Variants in ADAM8 observed in about 807,000 individuals in gnomAD.
ADAM8 encodes the protein ADAM metallopeptidase domain 8.
Under a neutral mutation model 102.4 loss-of-function variants are expected in ADAM8, and 104 were observed. That is an observed-to-expected ratio of 1.02 (90% confidence interval 0.87 to 1.20). ADAM8 has a LOEUF of 1.20. Among genes scored for constraint, ADAM8 ranks in the 50% most tolerant of loss-of-function variants. ADAM8 has a pLI of 0.00. For synonymous variants in ADAM8, 517 were observed against 485.2 expected, an observed-to-expected ratio of 1.07 and a Z score of -0.86; for missense variants, 1,132 against 1,159.0, an observed-to-expected ratio of 0.98 and a Z score of 0.34.
At chr10:133,267,088 C>T (rs1316704087) in intron 21 of ADAM8, among the ~76,000 whole-genome samples, 2 of 152,076 alleles carry the variant, frequency 1.3e-5, no homozygotes, top group African/African-American at 2.4e-5. Context: ...GCTTGGTGGG[C>T]GGAGCAGGTC....
chr10:133,270,423 G>A lies in ADAM8; in HGVS notation c.1722C>T (p.Leu574=), dbSNP rs746667111. Residue 574 remains leucine, a synonymous_variant, in exon 16 of 23, where the codon CTC becomes CTT. Coordinates refer to ENST00000445355, the MANE Select transcript of ADAM8 (RefSeq NM_001109.5). ...AICIVDVCHA[L]TTEDGTAYEP... is the part of the protein sequence containing the mutation. ...CATACGCAGTGCCATCCTCTGTGGT[G>A]AGCGCGTGGCACACATCCACGATGC... The A allele has an allele frequency of 3.7e-6, 6 of 1,605,920 alleles. No homozygotes were observed. The highest frequency in any genetic ancestry group is 2.7e-5 in the African/African-American group (2 of 74,844).
At chr10:133,270,551 G>T in intron 15 of ADAM8, 41 bp from the exon 16 acceptor site, 2 of 1,565,838 alleles carry the variant, frequency 1.3e-6, no homozygotes, top group Non-Finnish European at 1.7e-6. Flanking sequence ...TTGCCTGGGA[G>T]CATGCTGGGG....
chr10:133,270,685 C>T lies in ADAM8; in HGVS notation c.1634+51G>A, dbSNP rs1257918712. ...TTTGCAGAGGCCCTTCTGGGGCTGA[C>T]CCCGCTGTGGGAACAGCACATGTCC... On this transcript the variant is annotated intron_variant, in intron 15 of 22. Coordinates refer to ENST00000445355, the MANE Select transcript of ADAM8 (RefSeq NM_001109.5). 9 of 1,575,144 alleles carry T rather than the reference C, an allele frequency of 5.7e-6. No homozygotes were observed. The East Asian group carries it at 9.3e-5, about 16-fold the overall frequency.
intron 1 of ADAM8, 147 bp from the exon 2 acceptor site, chr10:133,275,734 G>C (rs1846728286): frequency 1.8e-6 from 1 of 544,492 alleles, no homozygotes; most frequent in Non-Finnish European, 3.1e-6. Flanking sequence ...AGACTCAAGT[G>C]AGGGTTCTGT....
rs139305530 is a variant in ADAM8 at position 133,273,985 on chromosome 10, T to C, written c.272A>G (p.Asn91Ser). The change falls in exon 4 of 23, where the codon AAT (asparagine) becomes AGT (serine). Residue 91 changes from asparagine to serine, a missense_variant. Physicochemically the swap from Asn to Ser is conservative, Grantham distance 46. Coordinates refer to ENST00000445355, the MANE Select transcript of ADAM8 (RefSeq NM_001109.5). ...SGYTETYTAANGSEVTEQPRG... is the reference protein window; with the variant it reads ...SGYTETYTAASGSEVTEQPRG... Reference sequence around the variant, plus strand: ...AGGCTGCTCCGTCACCTCGGAGCCATTGGCAGCCGTATAGGTCTCTGTGTA... The same window carrying C: ...AGGCTGCTCCGTCACCTCGGAGCCACTGGCAGCCGTATAGGTCTCTGTGTA... The C allele has an allele frequency of 2.4e-5, 38 of 1,606,712 alleles. No homozygotes were observed. Among genetic ancestry groups the C allele is most frequent in the Non-Finnish European group, 3.0e-5 (35 of 1,178,462 alleles).
intron 17 of ADAM8, 61 bp from the exon 18 acceptor site, chr10:133,269,590 C>T (rs961562487): frequency 1.6e-5 from 24 of 1,463,484 alleles, no homozygotes; most frequent in Middle Eastern, 3.8e-4. Flanking sequence ...CCGTGGGGGC[C>T]GTGCCTCCAG....
At chr10:133,269,092 G>T (rs1846430249) in intron 18 of ADAM8, 1 of 985,312 alleles carries the variant, frequency 1.0e-6, no homozygotes, top group Admixed American at 6.1e-5. Context: ...TGCCTTTGAG[G>T]CCTGATGCTC....
rs2136066989 is a variant in ADAM8 at position 133,263,156 on chromosome 10, C to T, written c.2475G>A (p.Ter825=). ...KQGAGAPTAP[*] is the part of the protein sequence containing the mutation. ...TTTCCACACAGGCGCAGGTGCCCCC[C>T]TAGGGTGCTGTGGGAGCTCCGGCTC... The change falls in exon 23 of 23, where the codon TAG becomes TAA. Residue 825 remains the stop codon, a stop_retained_variant. Transcript: ENST00000445355. 6.2e-7 allele frequency: 1 copy of T among 1,613,974 alleles called. No individual in the cohort carries two copies. The highest frequency in any genetic ancestry group is 8.5e-7 in the Non-Finnish European group (1 of 1,179,898).
At chr10:133,273,228 C>T in intron 6 of ADAM8, 26 bp downstream of exon 6, 3 of 1,595,802 alleles carry the variant, frequency 1.9e-6, no homozygotes, top group Non-Finnish European at 1.7e-6. Context: ...CAGGGCCAGC[C>T]AAACACAGGA....
intron 22 of ADAM8, 44 bp downstream of exon 22, chr10:133,263,644 T>TCAGCCCCGTGGGGAGG (rs747063346): frequency 5.9e-5 from 10 of 170,860 alleles, no homozygotes; most frequent in South Asian, 2.0e-4. Flanking sequence ...GGCCGTGCCG[T>TCAGCCCCGTGGGGAGG]CCATTGCACA....
Position 133,271,585 on chromosome 10 carries a change from G to T in ADAM8, c.1227C>A (p.Pro409=). 2 of 1,557,242 alleles carry T rather than the reference G, an allele frequency of 1.3e-6. No homozygotes were observed. Among genetic ancestry groups the T allele is most frequent in the Non-Finnish European group, 1.7e-6 (2 of 1,150,106 alleles). ...GCTCCACAAACAGGTTCCCACACACGGGGCCGCCCACCAGGTGGCTGAGGT... is the reference window on the plus strand; with the variant it reads ...GCTCCACAAACAGGTTCCCACACACTGGGCCGCCCACCAGGTGGCTGAGGT... ...APDLSHLVGG[P]VCGNLFVERG... is the part of the protein sequence containing the mutation. The change falls in exon 12 of 23, where the codon CCC becomes CCA. Residue 409 remains proline (P), a synonymous_variant. Coordinates refer to ENST00000445355, the MANE Select transcript of ADAM8 (RefSeq NM_001109.5).
chr10:133,263,245 A>C lies in ADAM8; in HGVS notation c.2398-12T>G, dbSNP rs759662255. On this transcript the variant is annotated splice_polypyrimidine_tract_variant and intron_variant, in intron 22 of 22. Transcript: ENST00000445355. ...GGGCCAACAGCACCCTGGGAGGAGG[A>C]AAAGATAATTGATGTTGAAAAACTA... 5 of 1,591,862 alleles carry C rather than the reference A, an allele frequency of 3.1e-6. No individual in the cohort carries two copies. In the Admixed American group the frequency reaches 7.2e-5, roughly 23 times the overall value.
Position 133,271,563 on chromosome 10 carries a change from C to A in ADAM8, c.1249G>T (p.Glu417Ter). 1 of 1,559,874 alleles carries A rather than the reference C, an allele frequency of 6.4e-7. No homozygotes were observed. Among genetic ancestry groups the A allele is most frequent in the East Asian group, 2.4e-5 (1 of 42,520 alleles). Reference protein sequence around the residue: ...GGPVCGNLFVERGEQCDCGPP... With the variant: ...GGPVCGNLFV ...CCGCAGTCGCACTGCTCCCCACGCT[C>A]CACAAACAGGTTCCCACACACGGGG... The change falls in exon 12 of 23, where the codon GAG (glutamate) becomes TAG (stop). Residue 417 changes from glutamate to a stop codon, truncating the protein, a stop_gained. Transcript: ENST00000445355. LOFTEE classifies it high-confidence loss of function.
Position 133,268,090 on chromosome 10 carries a change from G to A in ADAM8, c.2092C>T (p.Arg698Cys), listed in dbSNP as rs367571840. 1.3e-5 allele frequency: 16 copies of A among 1,274,046 alleles called. No individual in the cohort carries two copies. Among genetic ancestry groups the A allele is most frequent in the East Asian group, 6.0e-5 (2 of 33,570 alleles). The allele number at this position is 1,274,046 out of a possible 1,614,324, so 78.9% of individuals were successfully genotyped here. ...GCCTGGTGGAACAGGGGGTTGGAGC[G>A]CCCCATTGTGGTCTTGGGAGCCACG... is the stretch of plus-strand genomic sequence containing the variant. ...RNVAPKTTMG[R>C]SNPLFHQAAS... Residue 698 changes from arginine (R) to cysteine (C), a missense_variant, in exon 20 of 23, where the codon CGC becomes TGC. Arg to Cys is a radical substitution (Grantham distance 180, BLOSUM62 -3). Transcript: ENST00000445355.
rs548977348 is a variant in ADAM8, at chr10:133,272,284, G to A, written c.876-10C>T. The A allele has an allele frequency of 1.2e-5, 19 of 1,522,302 alleles. No individual in the cohort carries two copies. In the East Asian group the frequency reaches 1.7e-4, roughly 14 times the overall value. 94.3% of individuals were successfully genotyped at this position (1,522,302 alleles called of 1,614,324 possible). On this transcript the variant is annotated splice_polypyrimidine_tract_variant and intron_variant, in intron 9 of 22. Transcript: ENST00000445355. ...GGTGAAGTCGACACCCCTGGAAGTGGGAGTGACACAGATGCCCTGGACACG... is the reference window on the plus strand; with the variant it reads ...GGTGAAGTCGACACCCCTGGAAGTGAGAGTGACACAGATGCCCTGGACACG...
Position 133,270,561 on chromosome 10 carries a change from G to A in ADAM8, c.1635-51C>T, listed in dbSNP as rs574663445. ...CCAGCTTGCCTGGGAGCATGCTGGG[G>A]AGCCCAGGAGCCACAGTGACCCACC... is the stretch of plus-strand genomic sequence containing the variant. On this transcript the variant is annotated intron_variant, in intron 15 of 22. Transcript: ENST00000445355. 13 of 1,560,834 alleles carry A rather than the reference G, an allele frequency of 8.3e-6. No individual in the cohort carries two copies. In the African/African-American group the frequency reaches 1.5e-4, roughly 18 times the overall value.
intron 21 of ADAM8, among the ~76,000 whole-genome samples, chr10:133,264,207 A>C (rs767576016): frequency 6.6e-6 from 1 of 151,934 alleles, no homozygotes; most frequent in Non-Finnish European, 1.5e-5. Context: ...GACGACAGGC[A>C]CAAGCCACCA....
In ADAM8 at chr10:133,273,993, C is replaced by T. The variant is rs558863162; in HGVS notation, c.264G>A (p.Thr88=). The T allele has an allele frequency of 6.8e-6, 11 of 1,607,912 alleles. No individual in the cohort carries two copies. The highest frequency in any genetic ancestry group is 5.5e-5 in the South Asian group (5 of 90,222). ...CCGTCACCTCGGAGCCATTGGCAGCCGTATAGGTCTCTGTGTAGCCGGAGC... is the reference window on the plus strand; with the variant it reads ...CCGTCACCTCGGAGCCATTGGCAGCTGTATAGGTCTCTGTGTAGCCGGAGC... The part of the protein sequence containing the change: ...LLGSGYTETY[T]AANGSEVTEQ... Residue 88 remains threonine (T), a synonymous_variant, in exon 4 of 23, where the codon ACG becomes ACA. Transcript: ENST00000445355.
intron 21 of ADAM8, among the ~76,000 whole-genome samples, chr10:133,266,244 G>A (rs1232383438): frequency 6.6e-6 from 1 of 152,128 alleles, no homozygotes; most frequent in Non-Finnish European, 1.5e-5. Context: ...GGCTGGAGAA[G>A]GGCGTCCAGA....
Sources: gnomAD v4.1 joint callset for allele counts (sites outside exome capture counted in the v4.1 genomes callset) on GRCh38, gnomAD v4.1.1 for gene constraint, MANE v1.5 for transcripts, NCBI Gene and HGNC (gene_info 2026-07-23, HGNC 2026-07-21) for gene names.